Variants in TMEM132D observed in about 807,000 individuals in gnomAD.
TMEM132D encodes the protein mature OL transmembrane protein.
TMEM132D carries 21 observed loss-of-function variants against 62.3 expected under a neutral mutation model. The observed-to-expected ratio is 0.34, with a 90% CI of 0.24 to 0.49. The LOEUF is 0.49. Ranked by LOEUF, TMEM132D falls within the 20% of genes least tolerant of loss-of-function variation. The pLI is 0.99. For synonymous variants in TMEM132D, 621 were observed against 575.6 expected, an observed-to-expected ratio of 1.08 and a Z score of -1.13; for missense variants, 1,346 against 1,402.8, an observed-to-expected ratio of 0.96 and a Z score of 0.65.
At chr12:129,336,303 C>A (rs1424142692) in intron 4 of TMEM132D, among the ~76,000 whole-genome samples, 1 of 152,066 alleles carries the variant, frequency 6.6e-6, no homozygotes, top group African/African-American at 2.4e-5. Context: ...TAGGGCTGGG[C>A]ACGGTGGCTC....
intron 2 of TMEM132D, among the ~76,000 whole-genome samples, chr12:129,578,182 C>G (rs1181990621): frequency 2.0e-5 from 3 of 152,142 alleles, no homozygotes; most frequent in African/African-American, 4.8e-5. Context: ...CTCGAGCCTT[C>G]GGTCTCAGGC....
chr12:129,732,589 G>A (rs1454210207), intron 1 of TMEM132D, among the ~76,000 whole-genome samples: 2 of 152,094 alleles, frequency 1.3e-5, no homozygotes, highest in Admixed American at 1.3e-4. Flanking sequence ...CTTTCTCCAC[G>A]TGAGATGCCT....
At chr12:129,176,539 T>C (rs1877911370) in intron 5 of TMEM132D, among the ~76,000 whole-genome samples, 1 of 152,338 alleles carries the variant, frequency 6.6e-6, no homozygotes, top group East Asian at 1.9e-4. Flanking sequence ...GGTCTTTCCT[T>C]CTCTGATCTA....
intron 5 of TMEM132D, among the ~76,000 whole-genome samples, chr12:129,124,036 A>G (rs1230146467): frequency 6.6e-6 from 1 of 152,096 alleles, no homozygotes; most frequent in African/African-American, 2.4e-5. Context: ...AAATCTCCCC[A>G]TCTGTCTATC....
chr12:129,210,254 C>A (rs1878998324), intron 4 of TMEM132D: 1 of 153,058 alleles, frequency 6.5e-6, no homozygotes, highest in Admixed American at 6.5e-5. Context: ...CAGCACCGCA[C>A]CACCAGTGCG....
intron 3 of TMEM132D, among the ~76,000 whole-genome samples, chr12:129,478,588 A>G (rs1874338703): frequency 6.6e-6 from 1 of 152,218 alleles, no homozygotes; most frequent in African/African-American, 2.4e-5. Flanking sequence ...TGGGGCAGAT[A>G]GGGGTTTCTC....
intron 2 of TMEM132D, among the ~76,000 whole-genome samples, chr12:129,544,157 C>T (rs1566104880): frequency 6.6e-6 from 1 of 152,198 alleles, no homozygotes; most frequent in Non-Finnish European, 1.5e-5. Flanking sequence ...TTCTGATGAA[C>T]ACAGTATTTC....
At chr12:129,373,087 A>G (rs1382227679) in intron 3 of TMEM132D, among the ~76,000 whole-genome samples, 1 of 152,140 alleles carries the variant, frequency 6.6e-6, no homozygotes, top group Admixed American at 6.5e-5. Context: ...CACTATTGCA[A>G]ATACTTAGAA....
intron 3 of TMEM132D, among the ~76,000 whole-genome samples, chr12:129,380,432 G>A (rs533729794): frequency 3.9e-5 from 6 of 152,174 alleles, no homozygotes; most frequent in African/African-American, 1.2e-4. Flanking sequence ...AAAAAGACCC[G>A]TTTGCCCTTT....
chr12:129,709,835 A>T (rs530546024), intron 1 of TMEM132D, among the ~76,000 whole-genome samples: 1 of 152,236 alleles, frequency 6.6e-6, no homozygotes, highest in East Asian at 1.9e-4. Flanking sequence ...AGAATCTCAG[A>T]TCCTATTAAT....
rs950614757 is a variant in TMEM132D at position 129,779,192 on chromosome 12, G to A, written c.80-78494C>T. 2.6e-5 allele frequency among the ~76,000 whole-genome samples: 4 copies of A among 152,206 alleles called. No individual in the cohort carries two copies. The highest frequency in any genetic ancestry group is 5.9e-5 in the Non-Finnish European group (4 of 68,040). The stretch of plus-strand genomic sequence containing the variant: ...GCCTTAGGAAGGATCCATCTGGAAA[G>A]CCCCATTTGATGCTTTAACATGCAG... On this transcript the variant is annotated intron_variant, in intron 1 of 8. Coordinates refer to ENST00000422113, the MANE Select transcript of TMEM132D (RefSeq NM_133448.3). This position sits in a 1 kb window ranked among gnomAD's most constrained non-coding sequence, Gnocchi z 4.1.
At chr12:129,820,018 T>C (rs1190145048) in intron 1 of TMEM132D, among the ~76,000 whole-genome samples, 1 of 152,154 alleles carries the variant, frequency 6.6e-6, no homozygotes, top group South Asian at 2.1e-4. Flanking sequence ...CAGCCCTTCC[T>C]CCATGAAAAG....
intron 2 of TMEM132D, among the ~76,000 whole-genome samples, chr12:129,656,278 T>TG (rs1880072783): frequency 3.7e-5 from 4 of 107,442 alleles, no homozygotes; most frequent in African/African-American, 1.2e-4. Flanking sequence ...AAGGAAAGAA[T>TG]GAAAGGGAAG....
At chr12:129,265,961 G>T (rs575574766) in intron 4 of TMEM132D, among the ~76,000 whole-genome samples, 1 of 152,174 alleles carries the variant, frequency 6.6e-6, no homozygotes, top group Non-Finnish European at 1.5e-5. Flanking sequence ...GGGGACCTTT[G>T]TCTGTTACAT....
chr12:129,498,417 C>A (rs1875028323), intron 3 of TMEM132D, among the ~76,000 whole-genome samples: 1 of 152,136 alleles, frequency 6.6e-6, no homozygotes, highest in South Asian at 2.1e-4. Flanking sequence ...CCACCCTCAG[C>A]TAATTTTTGT....
intron 5 of TMEM132D, 116 bp from the exon 6 acceptor site, chr12:129,084,818 C>G: frequency 1.1e-6 from 1 of 927,046 alleles, no homozygotes; most frequent in Non-Finnish European, 1.6e-6. Flanking sequence ...CCTTTCCTCC[C>G]CTTACTATGG....
rs556931023 is a variant in TMEM132D, at chr12:129,466,930, T to C, written c.1115+64129A>G. Among the ~76,000 whole-genome samples, 15 of 152,320 alleles carry C rather than the reference T, an allele frequency of 9.8e-5. No individual in the cohort carries two copies. The South Asian group carries it at 2.7e-3, about 27-fold the overall frequency. ...CAGAGTAAGTTCTCCAAGGTGTCTA[T>C]TGACCTACTCTGCACTGCTGTAATT... On this transcript the variant is annotated intron_variant, in intron 3 of 8. Transcript: ENST00000422113.
intron 5 of TMEM132D, among the ~76,000 whole-genome samples, chr12:129,118,271 T>C (rs1377224015): frequency 6.6e-6 from 1 of 152,252 alleles, no homozygotes; most frequent in Non-Finnish European, 1.5e-5. Flanking sequence ...AATTTTTCTT[T>C]AGACATAAGA....
At chr12:129,089,505 CTATGA>C (rs1874828577) in intron 5 of TMEM132D, among the ~76,000 whole-genome samples, 1 of 70,252 alleles carries the variant, frequency 1.4e-5, no homozygotes, top group Non-Finnish European at 3.4e-5. Flanking sequence ...CGGGTGTCCT[CTATGA>C]CCGGGTGTCC....
Sources: gnomAD v4.1 joint callset for allele counts (sites outside exome capture counted in the v4.1 genomes callset) on GRCh38, gnomAD v4.1.1 for gene constraint, Gnocchi (gnomAD v3.1) non-coding constraint, MANE v1.5 for transcripts, NCBI Gene and HGNC (gene_info 2026-07-23, HGNC 2026-07-21) for gene names.